Variants in SALL3 observed in about 807,000 individuals in gnomAD.
The protein encoded by SALL3 is sal-like protein 3.
A neutral mutation model predicts 66.2 loss-of-function variants in SALL3; 25 were observed. The ratio of observed to expected loss-of-function variants is 0.38; its 90% CI spans 0.28 to 0.53. The LOEUF (loss-of-function observed/expected upper bound fraction) is 0.53, where lower values mean the gene tolerates loss of function less well. Among genes scored for constraint, SALL3 ranks in the 20% least tolerant of loss-of-function variants. The probability of loss-of-function intolerance (pLI) is 0.85; values close to 1 mark genes in which losing one functional copy is unlikely to be tolerated. For missense variants in SALL3, 2,194 were observed against 1,916.5 expected, an observed-to-expected ratio of 1.14 and a Z score of -2.70; for synonymous variants, 1,152 against 899.1, an observed-to-expected ratio of 1.28 and a Z score of -5.03.
In SALL3 at chr18:78,992,140, C is replaced by G; in HGVS notation, c.149C>G (p.Thr50Ser). 6.2e-7 allele frequency: 1 copy of G among 1,606,074 alleles called. No individual in the cohort carries two copies. The highest frequency in any genetic ancestry group is 8.5e-7 in the Non-Finnish European group (1 of 1,177,372). ...GPESRSGGEE[T>S]SVCEKCCAEF... ...GAGAGCCGCAGCGGGGGCGAGGAGA[C>G]CAGCGTGTGCGAGAAATGCTGCGCC... The change falls in exon 2 of 3, where the codon ACC becomes AGC. Residue 50 changes from threonine (T) to serine (S), a missense_variant. By Grantham distance (58) the Thr-to-Ser change is moderately conservative (BLOSUM62 1). Transcript: ENST00000537592.
intron 1 of SALL3, among the ~76,000 whole-genome samples, chr18:78,990,449 G>A (rs865799053): frequency 2.0e-5 from 3 of 152,150 alleles, no homozygotes; most frequent in African/African-American, 4.8e-5. Context: ...TGGCCTCATG[G>A]TGAGTCACAA....
rs756544294 is a variant in SALL3 at position 78,993,125 on chromosome 18, C to G, written c.1134C>G (p.Val378=). ...ASGVIFPNPL[V]SIAATANALD... is the part of the protein sequence containing the mutation. ...GCGTCATCTTCCCCAACCCGCTGGT[C>G]AGCATCGCGGCCACGGCCAACGCTC... The change falls in exon 2 of 3, where the codon GTC becomes GTG. Residue 378 remains valine, a synonymous_variant. Transcript: ENST00000537592. 4.5e-5 allele frequency: 72 copies of G among 1,605,240 alleles called. No individual in the cohort carries two copies. Among genetic ancestry groups the G allele is most frequent in the East Asian group, 2.0e-4 (9 of 44,582 alleles).
At position 78,992,268 on chromosome 18, in the gene SALL3, G is replaced by T. The variant is rs749136644; in HGVS notation, c.277G>T (p.Asp93Tyr). ...GGACGCGCCCGCGCCGCCCCCCGAG[G>T]ACTTCCCCGAGCCTTCGCCCGCCAG... Reference protein sequence around the residue: ...HEDAPAPPPEDFPEPSPASSP... With the variant: ...HEDAPAPPPEYFPEPSPASSP... The change falls in exon 2 of 3, where the codon GAC becomes TAC. Residue 93 changes from aspartate (D) to tyrosine (Y), a missense_variant. Asp to Tyr is a radical substitution (Grantham distance 160). Transcript: ENST00000537592. The T allele has an allele frequency of 1.3e-6, 2 of 1,561,836 alleles. No individual in the cohort carries two copies. The highest frequency in any genetic ancestry group is 1.7e-6 in the Non-Finnish European group (2 of 1,161,514).
rs779282214 is a variant in SALL3, at chr18:78,993,637, C to G, written c.1646C>G (p.Ala549Gly). The change falls in exon 2 of 3, where the codon GCC (alanine) becomes GGC (glycine). Residue 549 changes from alanine (A) to glycine (G), a missense_variant. Ala to Gly is a moderately conservative substitution (Grantham distance 60). Coordinates refer to ENST00000537592, the MANE Select transcript of SALL3 (RefSeq NM_171999.4). ...GYADSPSATP[A>G]SRSPQRPSPA... is the part of the protein sequence containing the mutation. The stretch of plus-strand genomic sequence containing the variant: ...GCCGACTCTCCCAGCGCCACCCCAG[C>G]CAGCCGCTCCCCGCAGAGGCCCTCG... The G allele has an allele frequency of 6.3e-7, 1 of 1,587,278 alleles. No homozygotes were observed. The highest frequency in any genetic ancestry group is 1.7e-5 in the Admixed American group (1 of 58,964).
rs770295723 is a variant in SALL3, at chr18:78,993,549, C to G, written c.1558C>G (p.Pro520Ala). Reference sequence around the variant, plus strand: ...CTGGCTGGACAGCAAGCCCGTGCTGCCCACCGTGCCCACGTCCGTGGGGCT... The same window carrying G: ...CTGGCTGGACAGCAAGCCCGTGCTGGCCACCGTGCCCACGTCCGTGGGGCT... ...TTWLDSKPVL[P>A]TVPTSVGLQL... is the part of the protein sequence containing the mutation. The change falls in exon 2 of 3, where the codon CCC (proline) becomes GCC (alanine). Residue 520 changes from proline (P) to alanine (A), a missense_variant. Coordinates refer to ENST00000537592, the MANE Select transcript of SALL3 (RefSeq NM_171999.4). 7 of 1,590,874 alleles carry G rather than the reference C, an allele frequency of 4.4e-6. No individual in the cohort carries two copies. Among genetic ancestry groups the G allele is most frequent in the Admixed American group, 1.7e-5 (1 of 57,518 alleles).
At chr18:78,989,856 G>A (rs1264024213) in intron 1 of SALL3, among the ~76,000 whole-genome samples, 1 of 152,202 alleles carries the variant, frequency 6.6e-6, no homozygotes, top group East Asian at 1.9e-4. Context: ...ATATAGATGT[G>A]TATGGATGGT....
chr18:78,987,136 C>T (rs769795624), intron 1 of SALL3, among the ~76,000 whole-genome samples: 1 of 152,028 alleles, frequency 6.6e-6, no homozygotes, highest in Non-Finnish European at 1.5e-5. Context: ...TTGGAAATCA[C>T]ATAGCTGTAT....
rs771517621 is a variant in SALL3, at chr18:78,980,319, C to G, written c.45C>G (p.Asp15Glu). The stretch of plus-strand genomic sequence containing the variant: ...CCAAGCCCCAGCACCTCAAGTCGGA[C>G]GAGGAGCTGCTGCCGCCTGACGGGG... ...KQAKPQHLKSDEELLPPDGAP... is the reference protein window; with the variant it reads ...KQAKPQHLKSEEELLPPDGAP... The change falls in exon 1 of 3, where the codon GAC (aspartate) becomes GAG (glutamate). Residue 15 changes from aspartate to glutamate, a missense_variant. Transcript: ENST00000537592. 3.7e-5 allele frequency: 53 copies of G among 1,439,074 alleles called. 1 individual carries two copies. In the South Asian group the frequency reaches 5.9e-4, roughly 16 times the overall value. The allele number at this position is 1,439,074 out of a possible 1,614,324, so 89.1% of individuals were successfully genotyped here.
At chr18:78,980,445 T>G in intron 1 of SALL3, 89 bp downstream of exon 1, 12 of 792,416 alleles carry the variant, frequency 1.5e-5, no homozygotes, top group Non-Finnish European at 1.8e-5. Context: ...GATGCGCGCG[T>G]CCGGGAGCGG....
In SALL3 at chr18:78,992,733, C is replaced by T. The variant is rs751118361; in HGVS notation, c.742C>T (p.Pro248Ser). ...PRPSLSPAAA[P>S]SAPGPAPSQL... The stretch of plus-strand genomic sequence containing the variant: ...GCCCTCACTCAGCCCCGCGGCCGCC[C>T]CGAGCGCACCGGGCCCGGCCCCCAG... The change falls in exon 2 of 3, where the codon CCG becomes TCG. Residue 248 changes from proline (P) to serine (S), a missense_variant. Physicochemically the swap from Pro to Ser is moderately conservative, Grantham distance 74. Coordinates refer to ENST00000537592, the MANE Select transcript of SALL3 (RefSeq NM_171999.4). 7.4e-7 allele frequency: 1 copy of T among 1,343,274 alleles called. No homozygotes were observed. Among genetic ancestry groups the T allele is most frequent in the South Asian group, 1.5e-5 (1 of 68,552 alleles). 83.2% of individuals were successfully genotyped at this position (1,343,274 alleles called of 1,614,324 possible). A position where few individuals can be genotyped will look rare whatever the true frequency, so the allele number is the denominator to read the frequency against.
chr18:78,994,047 C>A lies in SALL3; in HGVS notation c.2056C>A (p.Arg686=). ...CCCGAACCAGTGCGTCATCTGCCAC[C>A]GGGTGCTGAGCTGCCAGAGCGCGCT... The part of the protein sequence containing the change: ...TDPNQCVICH[R]VLSCQSALKM... The change falls in exon 2 of 3, where the codon CGG becomes AGG. Residue 686 remains arginine (R), a synonymous_variant. Coordinates refer to ENST00000537592, the MANE Select transcript of SALL3 (RefSeq NM_171999.4). 2 of 1,612,740 alleles carry A rather than the reference C, an allele frequency of 1.2e-6. No homozygotes were observed. The highest frequency in any genetic ancestry group is 1.7e-6 in the Non-Finnish European group (2 of 1,179,938).
In SALL3 at chr18:78,992,080, C is replaced by T; in HGVS notation, c.89C>T (p.Pro30Leu). 7 of 1,508,296 alleles carry T rather than the reference C, an allele frequency of 4.6e-6. No individual in the cohort carries two copies. The highest frequency in any genetic ancestry group is 6.2e-6 in the Non-Finnish European group (7 of 1,125,142). 93.4% of individuals were successfully genotyped at this position (1,508,296 alleles called of 1,614,324 possible). A position where few individuals can be genotyped will look rare whatever the true frequency, so the allele number is the denominator to read the frequency against. ...PPDGAPEHAA[P>L]GEGAEDADSG... is the part of the protein sequence containing the mutation. Reference sequence around the variant, plus strand: ...CACTCTCTTGGTCTTGCAGCCGCCCCGGGGGAAGGTGCGGAGGACGCAGAC... The same window carrying T: ...CACTCTCTTGGTCTTGCAGCCGCCCTGGGGGAAGGTGCGGAGGACGCAGAC... The change falls in exon 2 of 3, where the codon CCG becomes CTG. Residue 30 changes from proline (P) to leucine (L), a missense_variant. By Grantham distance (98) the Pro-to-Leu change is moderately conservative (BLOSUM62 -3). Transcript: ENST00000537592.
At position 78,993,247 on chromosome 18, in the gene SALL3, A is replaced by G. The variant is rs754394968; in HGVS notation, c.1256A>G (p.Lys419Arg). The stretch of plus-strand genomic sequence containing the variant: ...GCCAGCGCCGAGGACCCGTTCTTCA[A>G]GCACAAATGCCGCTTCTGCGCCAAG... ...PKASAEDPFFKHKCRFCAKVF... is the reference protein window; with the variant it reads ...PKASAEDPFFRHKCRFCAKVF... The change falls in exon 2 of 3, where the codon AAG (lysine) becomes AGG (arginine). Residue 419 changes from lysine (K) to arginine (R), a missense_variant. Transcript: ENST00000537592. The G allele has an allele frequency of 6.2e-7, 1 of 1,611,008 alleles. No homozygotes were observed. Among genetic ancestry groups the G allele is most frequent in the South Asian group, 1.1e-5 (1 of 90,968 alleles).
In SALL3 at chr18:78,980,050, T is replaced by A. The variant is rs962302863; in HGVS notation, c.-225T>A. The stretch of plus-strand genomic sequence containing the variant: ...CCGCTAATTGCGAGCGCGGCCTCAT[T>A]TGCATAGGCCGCCGGAGTCCGCTGG... On this transcript the variant is annotated 5_prime_UTR_variant, in exon 1 of 3. In the 5' UTR this introduces an upstream ATG that the reference lacks. Coordinates refer to ENST00000537592, the MANE Select transcript of SALL3 (RefSeq NM_171999.4). Among the ~76,000 whole-genome samples the A allele has an allele frequency of 3.4e-5, 5 of 145,218 alleles. No individual in the cohort carries two copies. Among genetic ancestry groups the A allele is most frequent in the African/African-American group, 1.2e-4 (5 of 40,610 alleles).
chr18:78,986,891 C>T (rs1345344383), intron 1 of SALL3, among the ~76,000 whole-genome samples: 1 of 152,214 alleles, frequency 6.6e-6, no homozygotes, highest in East Asian at 1.9e-4. Flanking sequence ...ACTTAAAAAC[C>T]ACTGTACTTG....
intron 1 of SALL3, among the ~76,000 whole-genome samples, chr18:78,983,217 GAAGA>G (rs1468899889): frequency 2.0e-5 from 3 of 152,076 alleles, no homozygotes; most frequent in African/African-American, 7.2e-5. Context: ...TCCTATTTTA[GAAGA>G]AAGGCGCTGC....
chr18:78,993,810 A>G lies in SALL3; in HGVS notation c.1819A>G (p.Arg607Gly). 1.9e-6 allele frequency: 3 copies of G among 1,552,712 alleles called. No individual in the cohort carries two copies. Among genetic ancestry groups the G allele is most frequent in the African/African-American group, 2.7e-5 (2 of 73,260 alleles). The part of the protein sequence containing the change: ...EPVSLPCTNA[R>G]AGDAPVGAQA... ...CGTCAGCCTGCCCTGCACCAACGCC[A>G]GGGCCGGGGACGCTCCCGTGGGCGC... Residue 607 changes from arginine (R) to glycine (G), a missense_variant, in exon 2 of 3, where the codon AGG (arginine) becomes GGG (glycine). Transcript: ENST00000537592.
Position 78,994,984 on chromosome 18 carries a change from GC to G in SALL3, c.2995del (p.His999IlefsTer22), listed in dbSNP as rs767384360. On this transcript the variant is annotated frameshift_variant, in exon 2 of 3. Transcript: ENST00000537592. LOFTEE classifies it high-confidence loss of function. Reference sequence around the variant, plus strand: ...AGCGCGTTGGAAATCCACTACCGCAGCCATACTAAGGAGCGGCCATTCGTCT... The same window carrying G: ...AGCGCGTTGGAAATCCACTACCGCAGCATACTAAGGAGCGGCCATTCGTCT... ...CKSALEIHYR[S>X]HTKERPFVCA... 3.1e-6 allele frequency: 5 copies of G among 1,613,870 alleles called. No homozygotes were observed. The South Asian group carries it at 5.5e-5, about 18-fold the overall frequency.
At chr18:78,995,742 AT>A (rs2146221067) in intron 2 of SALL3, among the ~76,000 whole-genome samples, 1 of 151,828 alleles carries the variant, frequency 6.6e-6, no homozygotes, top group African/African-American at 2.4e-5. Context: ...GTGTGGGTGT[AT>A]GTAATGTATC....
Sources: allele counts gnomAD v4.1 joint callset (sites outside exome capture counted in the v4.1 genomes callset), GRCh38; gene constraint gnomAD v4.1.1; transcripts MANE v1.5; gene names NCBI Gene and HGNC (gene_info 2026-07-23, HGNC 2026-07-21).